KCTD15: variants seen among roughly 807,000 people sequenced by gnomAD.
KCTD15 encodes potassium channel tetramerization domain containing 15, also known as BTB/POZ domain-containing protein KCTD15.
Under a neutral mutation model 27.2 loss-of-function variants are expected in KCTD15, and 11 were observed. The observed-to-expected ratio is 0.41, with a 90% CI of 0.25 to 0.67. KCTD15 has a LOEUF of 0.67. Ranked by LOEUF, KCTD15 falls within the 30% of genes least tolerant of loss-of-function variation. The pLI is 0.35. For synonymous variants in KCTD15, 163 were observed against 176.0 expected (o/e 0.93, Z 0.58); for missense variants, 350 against 409.3 (o/e 0.86, Z 1.25).
intron 6 of KCTD15, 111 bp downstream of exon 6, chr19:33,811,663 G>C (rs769927300): frequency 6.6e-7 from 1 of 1,506,542 alleles, no homozygotes; most frequent in South Asian, 1.2e-5. Context: ...GAAGCCCCCC[G>C]TGCCATCCTA....
chr19:33,804,962 T>C (rs1975668183), intron 4 of KCTD15, among the ~76,000 whole-genome samples: 1 of 152,168 alleles, frequency 6.6e-6, no homozygotes, highest in Non-Finnish European at 1.5e-5. Flanking sequence ...AGCGTTTGTC[T>C]TTCTTGGCCA....
At chr19:33,796,465 C>G (rs1002209315), upstream of KCTD15, 1 of 150,314 alleles carries the variant, frequency 6.7e-6, no homozygotes, top group Non-Finnish European at 1.5e-5. Flanking sequence ...CTCTAATCCT[C>G]TGCCCCGCGG....
intron 5 of KCTD15, 44 bp from the exon 6 acceptor site, chr19:33,811,203 C>G (rs1364329296): frequency 1.4e-6 from 2 of 1,397,190 alleles, no homozygotes; most frequent in South Asian, 1.4e-5. Flanking sequence ...CCCCACCACC[C>G]CTACTCCGAC....
At chr19:33,797,105 C>T (rs1195396073) in intron 1 of KCTD15, 118 bp downstream of exon 1, 6 of 169,668 alleles carry the variant, frequency 3.5e-5, no homozygotes, top group Admixed American at 6.4e-5. Context: ...GCCGCTTTGT[C>T]CCTCTGCTGG....
intron 6 of KCTD15, 111 bp downstream of exon 6, chr19:33,811,663 G>A (rs769927300): frequency 2.7e-6 from 4 of 1,506,660 alleles, no homozygotes; most frequent in East Asian, 2.3e-5. Context: ...GAAGCCCCCC[G>A]TGCCATCCTA....
At chr19:33,797,269 T>C (rs1324362240) in intron 1 of KCTD15, 7 of 305,614 alleles carry the variant, frequency 2.3e-5, no homozygotes, top group Non-Finnish European at 4.5e-5. Context: ...TGTGTGTGTG[T>C]GTGTGTGTGT....
rs567846324 is a variant in KCTD15, at chr19:33,807,001, C to T, written c.381C>T (p.Asp127=). 168 of 1,613,956 alleles carry T rather than the reference C, an allele frequency of 1.0e-4. 2 individuals carry two copies. In the South Asian group the frequency reaches 1.7e-3, roughly 16 times the overall value. The change falls in exon 5 of 7, where the codon GAC becomes GAT. Residue 127 remains aspartate (D), a synonymous_variant. Transcript: ENST00000683859. ...CGTCCAAGCTGCTGCTTCCGGATGACTTTAAGGTAAGTCCATGGCTGGTGG... is the reference window on the plus strand; with the variant it reads ...CGTCCAAGCTGCTGCTTCCGGATGATTTTAAGGTAAGTCCATGGCTGGTGG... ...LRTSKLLLPD[D]FKDFSLLYEE...
Position 33,803,722 on chromosome 19 carries a change from C to T in KCTD15, c.242+2380C>T, listed in dbSNP as rs112795157. On this transcript the variant is annotated intron_variant, in intron 4 of 6. Transcript: ENST00000683859. ...TGCCTGCTTGACCCCCGTTAGCTGC[C>T]GCCATCACAGCCACACTCTGACATC... 1.5e-4 allele frequency among the ~76,000 whole-genome samples: 23 copies of T among 152,148 alleles called. 2 individuals are homozygous for T. Among genetic ancestry groups the T allele is most frequent in the African/African-American group, 5.5e-4 (23 of 41,512 alleles).
chr19:33,800,127 A>C (rs1975478009), intron 2 of KCTD15, among the ~76,000 whole-genome samples: 1 of 152,180 alleles, frequency 6.6e-6, no homozygotes, highest in Non-Finnish European at 1.5e-5. Flanking sequence ...AATGGTGAGC[A>C]TATGTTTCAG....
upstream of KCTD15, among the ~76,000 whole-genome samples, chr19:33,796,264 G>C (rs925213761): frequency 1.3e-5 from 2 of 150,146 alleles, no homozygotes; most frequent in Admixed American, 1.3e-4. Context: ...CCGCGTGGCC[G>C]GCCGGCGGGG....
intron 4 of KCTD15, among the ~76,000 whole-genome samples, chr19:33,803,713 G>A (rs1038520358): frequency 1.3e-4 from 20 of 151,946 alleles, no homozygotes; most frequent in African/African-American, 4.1e-4. Context: ...CTTGACCCCC[G>A]TTAGCTGCCG....
chr19:33,801,070 A>G, intron 3 of KCTD15, 97 bp from the exon 4 acceptor site: 2 of 1,179,720 alleles, frequency 1.7e-6, no homozygotes, highest in Non-Finnish European at 2.4e-6. Flanking sequence ...TAGATCTGTG[A>G]TCACACTCTC....
In KCTD15 at chr19:33,815,704, T is replaced by C. The variant is rs1976072887; in HGVS notation, c.*2756T>C. ...AAAAAATGTGTCTTTTTTTTTTTTT[T>C]TTTTAAAGCTACTGCTTGACTGTTC... On this transcript the variant is annotated 3_prime_UTR_variant, in exon 7 of 7. Transcript: ENST00000683859. 6.6e-6 allele frequency: 1 copy of C among 151,950 alleles called. No individual in the cohort carries two copies. The highest frequency in any genetic ancestry group is 1.5e-5 in the Non-Finnish European group (1 of 67,998). The allele number at this position is 151,950 out of a possible 1,614,324, so 9.4% of individuals were successfully genotyped here.
Position 33,814,758 on chromosome 19 carries a change from T to C in KCTD15, c.*1810T>C, listed in dbSNP as rs1389853123. 3 of 152,150 alleles carry C rather than the reference T, an allele frequency of 2.0e-5. No homozygotes were observed. The highest frequency in any genetic ancestry group is 2.9e-5 in the Non-Finnish European group (2 of 68,024). 9.4% of individuals were successfully genotyped at this position (152,150 alleles called of 1,614,324 possible). A position where few individuals can be genotyped will look rare whatever the true frequency, so the allele number is the denominator to read the frequency against. ...GATTCACATAGGCCTCCAATTTCAA[T>C]GAGACCTTTTGCATTTTTTCTCAAA... On this transcript the variant is annotated 3_prime_UTR_variant, in exon 7 of 7. Transcript: ENST00000683859.
chr19:33,812,673 C>G (rs184612711), intron 6 of KCTD15, 117 bp from the exon 7 acceptor site: 2 of 1,387,160 alleles, frequency 1.4e-6, no homozygotes, highest in African/African-American at 3.0e-5. Context: ...AGACTGAGAT[C>G]GTCACAGGAG....
intron 4 of KCTD15, among the ~76,000 whole-genome samples, chr19:33,804,386 C>G (rs1975651850): frequency 1.3e-5 from 2 of 152,228 alleles, no homozygotes; most frequent in Admixed American, 1.3e-4. Flanking sequence ...TCTAGACCAA[C>G]AGGACCAGCT....
chr19:33,799,888 C>G (rs1468319229), intron 2 of KCTD15, among the ~76,000 whole-genome samples: 1 of 152,108 alleles, frequency 6.6e-6, no homozygotes, highest in Non-Finnish European at 1.5e-5. Flanking sequence ...ATCCATGTGC[C>G]TGGACTTCTG....
At position 33,815,153 on chromosome 19, in the gene KCTD15, ACT is replaced by A. The variant is rs1302041700; in HGVS notation, c.*2210_*2211del. On this transcript the variant is annotated 3_prime_UTR_variant, in exon 7 of 7. Transcript: ENST00000683859. ...GGTAGAGATTCTCGAACATTCTCAA[ACT>A]CTCTTTTTGGGTAAATGATTGTGCT... 1.3e-5 allele frequency: 2 copies of A among 152,148 alleles called. No individual in the cohort carries two copies. Among genetic ancestry groups the A allele is most frequent in the Non-Finnish European group, 1.5e-5 (1 of 68,028 alleles). The allele number at this position is 152,148 out of a possible 1,614,324, so 9.4% of individuals were successfully genotyped here. A position where few individuals can be genotyped will look rare whatever the true frequency, so the allele number is the denominator to read the frequency against.
chr19:33,795,627 G>A (rs1267106446), upstream of KCTD15, among the ~76,000 whole-genome samples: 2 of 152,040 alleles, frequency 1.3e-5, no homozygotes, highest in African/African-American at 4.8e-5. Context: ...CCTAGGAGCC[G>A]GGAAATGGTC....
Sources: gnomAD v4.1 joint callset for allele counts (sites outside exome capture counted in the v4.1 genomes callset) on GRCh38, gnomAD v4.1.1 for gene constraint, MANE v1.5 for transcripts, NCBI Gene and HGNC (gene_info 2026-07-23, HGNC 2026-07-21) for gene names.